The following CENATAC variants were observed in gnomAD, a reference collection of about 807,000 sequenced individuals.
CENATAC encodes centrosomal AT-AC splicing factor, also known as coiled-coil domain containing 84.
In CENATAC, 53 loss-of-function variants were observed where a neutral mutation model predicts 53.7. That is an observed-to-expected ratio of 0.99 (90% confidence interval 0.79 to 1.24). The LOEUF (loss-of-function observed/expected upper bound fraction) is 1.24, where lower values mean the gene tolerates loss of function less well. Ranked by LOEUF, CENATAC falls within the 50% of genes most tolerant of loss-of-function variation. The pLI is 0.00. For missense variants in CENATAC, 474 were observed against 417.8 expected (o/e 1.13, Z -1.17); for synonymous variants, 156 against 144.6 (o/e 1.08, Z -0.57).
chr11:119,001,342 C>T (rs1471043703), intron 3 of CENATAC, among the ~76,000 whole-genome samples: 4 of 152,010 alleles, frequency 2.6e-5, no homozygotes, highest in East Asian at 1.9e-4. Flanking sequence ...CTCTTGACCG[C>T]GAATGTCACC....
chr11:119,002,108 C>G (rs1331304004), intron 3 of CENATAC, among the ~76,000 whole-genome samples: 1 of 149,114 alleles, frequency 6.7e-6, no homozygotes, highest in African/African-American at 2.5e-5. Context: ...CCTGTAATCC[C>G]AGCTACTCGG....
chr11:119,008,578 C>T (rs1210627939), intron 3 of CENATAC, among the ~76,000 whole-genome samples: 3 of 151,978 alleles, frequency 2.0e-5, no homozygotes, highest in African/African-American at 4.8e-5. Flanking sequence ...GGTTTTAAGC[C>T]GAGACATTCA....
At chr11:118,998,860 C>A in intron 2 of CENATAC, 151 bp from the exon 3 acceptor site, 1 of 701,236 alleles carries the variant, frequency 1.4e-6, no homozygotes, top group Non-Finnish European at 2.4e-6. Context: ...AGAAGAGACA[C>A]GAGATCTTGA....
At chr11:119,009,024 A>G (rs897880468) in intron 3 of CENATAC, among the ~76,000 whole-genome samples, 3 of 152,318 alleles carry the variant, frequency 2.0e-5, no homozygotes, top group South Asian at 4.1e-4. Context: ...ACAACATCTC[A>G]GCAAAGCAAC....
chr11:119,015,536 A>G lies in CENATAC; in HGVS notation c.939-2A>G. 1 of 1,614,148 alleles carries G rather than the reference A, an allele frequency of 6.2e-7. No homozygotes were observed. The highest frequency in any genetic ancestry group is 8.5e-7 in the Non-Finnish European group (1 of 1,180,026). Reference sequence around the variant, plus strand: ...TCGTGTTAACCCTTTATTTCCTTTCAGACATCAATTCAAAACTGAAGCTGC... The same window carrying G: ...TCGTGTTAACCCTTTATTTCCTTTCGGACATCAATTCAAAACTGAAGCTGC... On this transcript the variant is annotated splice_acceptor_variant, in intron 10 of 10. Transcript: ENST00000334418. LOFTEE classifies it high-confidence loss of function.
At chr11:119,012,084 G>A (rs1274760462) in intron 6 of CENATAC, 65 bp from the exon 7 acceptor site, 1 of 1,613,800 alleles carries the variant, frequency 6.2e-7, no homozygotes, top group Non-Finnish European at 8.5e-7. Context: ...AATGGAAACA[G>A]ATCTAATCTT....
chr11:119,009,790 A>C (rs924374092), intron 3 of CENATAC: 2 of 152,214 alleles, frequency 1.3e-5, no homozygotes, highest in Admixed American at 6.5e-5. Flanking sequence ...GGTTTTCACT[A>C]TGGCAAAAGG....
At chr11:119,000,705 C>G (rs928971034) in intron 3 of CENATAC, among the ~76,000 whole-genome samples, 1 of 151,700 alleles carries the variant, frequency 6.6e-6, no homozygotes, top group Non-Finnish European at 1.5e-5. Flanking sequence ...TGCAGTGAGC[C>G]GAGATCGCAC....
intron 7 of CENATAC, 149 bp from the exon 8 acceptor site, chr11:119,013,083 T>C: frequency 1.6e-6 from 1 of 609,794 alleles, no homozygotes. Flanking sequence ...GCTTTCAAAG[T>C]TTAACATCAG....
chr11:119,013,233 A>C lies in CENATAC; in HGVS notation c.686A>C (p.Asp229Ala). The C allele has an allele frequency of 6.2e-7, 1 of 1,608,626 alleles. No individual in the cohort carries two copies. The highest frequency in any genetic ancestry group is 8.5e-7 in the Non-Finnish European group (1 of 1,177,380). The change falls in exon 8 of 11, where the codon GAT becomes GCT. Residue 229 changes from aspartate (D) to alanine (A), a missense_variant and splice_region_variant. Coordinates refer to ENST00000334418, the MANE Select transcript of CENATAC (RefSeq NM_198489.3). ...GPSLTFIGHQ[D>A]IPGVGNIHSG... ...TTTTTTTCCCATTTCCAACTACAGG[A>C]TATACCAGGAGTTGGTAACATCCAC...
At position 119,014,985 on chromosome 11, in the gene CENATAC, T is replaced by C. The variant is rs1467149051; in HGVS notation, c.716-9T>C. ...AAAAAAAAAAAAAAAGCCTTAATTT[T>C]TTTTTCAGGTGCCACACCTCCCTGG... On this transcript the variant is annotated splice_polypyrimidine_tract_variant and intron_variant, in intron 8 of 10. Coordinates refer to ENST00000334418, the MANE Select transcript of CENATAC (RefSeq NM_198489.3). 1 of 1,563,022 alleles carries C rather than the reference T, an allele frequency of 6.4e-7. No individual in the cohort carries two copies. The highest frequency in any genetic ancestry group is 1.2e-5 in the South Asian group (1 of 82,566).
chr11:119,010,907 A>C, intron 4 of CENATAC, 77 bp downstream of exon 4: 1 of 1,287,490 alleles, frequency 7.8e-7, no homozygotes, highest in Non-Finnish European at 1.1e-6. Flanking sequence ...CCACAGATGG[A>C]CCCAGGCAGG....
Position 119,011,836 on chromosome 11 carries a change from A to AT in CENATAC, c.514-100dup, listed in dbSNP as rs1032291106. On this transcript the variant is annotated intron_variant, in intron 5 of 10. Transcript: ENST00000334418. ...GATGGGCAGTACCTTCCATATGCTAATTTGTTTCCTTCCTGTGATACTGGG... is the reference window on the plus strand; with the variant it reads ...GATGGGCAGTACCTTCCATATGCTAATTTTGTTTCCTTCCTGTGATACTGGG... The AT allele has an allele frequency of 5.1e-6, 5 of 973,600 alleles. No homozygotes were observed. In the African/African-American group the frequency reaches 6.4e-5, roughly 13 times the overall value. The allele number at this position is 973,600 out of a possible 1,614,324, so 60.3% of individuals were successfully genotyped here.
intron 3 of CENATAC, chr11:119,001,867 G>A (rs782078568): frequency 7.6e-5 from 24 of 314,682 alleles, no homozygotes; most frequent in Non-Finnish European, 1.2e-4. Flanking sequence ...GGCCATCCTG[G>A]GCAGTGTATC....
chr11:119,007,392 C>T (rs1416760851), intron 3 of CENATAC, among the ~76,000 whole-genome samples: 1 of 152,140 alleles, frequency 6.6e-6, no homozygotes, highest in African/African-American at 2.4e-5. Flanking sequence ...GCATGTTGGT[C>T]AGGCTGGTCT....
chr11:119,015,571 G>A lies in CENATAC; in HGVS notation c.972G>A (p.Lys324=). Residue 324 remains lysine, a synonymous_variant, in exon 11 of 11, where the codon AAG becomes AAA. Coordinates refer to ENST00000334418, the MANE Select transcript of CENATAC (RefSeq NM_198489.3). ...TCAAAACTGAAGCTGCAGCAATGAA[G>A]AAGCAGTCACATACAGAAAAAAGCT... ...HQFKTEAAAM[K]KQSHTEKS 2.5e-6 allele frequency: 4 copies of A among 1,614,072 alleles called. No homozygotes were observed. Among genetic ancestry groups the A allele is most frequent in the Admixed American group, 1.7e-5 (1 of 60,018 alleles).
At chr11:119,003,444 C>G in intron 3 of CENATAC, 2 of 473,562 alleles carry the variant, frequency 4.2e-6, no homozygotes, top group South Asian at 3.2e-5. Flanking sequence ...CTTTTGGTGC[C>G]ATCTTGTGAA....
At chr11:118,999,656 T>A (rs2134516378) in intron 3 of CENATAC, among the ~76,000 whole-genome samples, 1 of 148,352 alleles carries the variant, frequency 6.7e-6, no homozygotes, top group Non-Finnish European at 1.5e-5. Flanking sequence ...TCTTTTTTTC[T>A]TTTTCTTTTT....
In CENATAC at chr11:119,011,191, G is replaced by A. The variant is rs546226077; in HGVS notation, c.451-30G>A. 150 of 1,602,258 alleles carry A rather than the reference G, an allele frequency of 9.4e-5. 1 individual carries two copies. The South Asian group carries it at 1.6e-3, about 18-fold the overall frequency. On this transcript the variant is annotated intron_variant, in intron 4 of 10. Coordinates refer to ENST00000334418, the MANE Select transcript of CENATAC (RefSeq NM_198489.3). Reference sequence around the variant, plus strand: ...TGAAGAAACTGGCCCCCATGATCCTGTACCTGTCTAAGCAGCCTCTCTCCC... The same window carrying A: ...TGAAGAAACTGGCCCCCATGATCCTATACCTGTCTAAGCAGCCTCTCTCCC...
Sources: gnomAD v4.1 joint callset for allele counts (sites outside exome capture counted in the v4.1 genomes callset) on GRCh38, gnomAD v4.1.1 for gene constraint, MANE v1.5 for transcripts, NCBI Gene and HGNC (gene_info 2026-07-23, HGNC 2026-07-21) for gene names.